YPEL2: variants seen among roughly 807,000 people sequenced by gnomAD.
The protein encoded by YPEL2 is yippee like 2.
In YPEL2, 2 loss-of-function variants were observed where a neutral mutation model predicts 19.1. The ratio of observed to expected loss-of-function variants is 0.10; its 90% CI spans 0.04 to 0.33. The LOEUF is 0.33. Among genes scored for constraint, YPEL2 ranks in the 10% least tolerant of loss-of-function variants. The pLI is 1.00. For synonymous variants in YPEL2, 52 were observed against 50.0 expected (o/e 1.04, Z -0.17); for missense variants, 66 against 140.7 (o/e 0.47, Z 2.68).
At chr17:59,352,472 G>A (rs1454472029) in intron 1 of YPEL2, among the ~76,000 whole-genome samples, 1 of 152,184 alleles carries the variant, frequency 6.6e-6, no homozygotes, top group East Asian at 1.9e-4. Flanking sequence ...AAGTCTAAGG[G>A]CTGGGAGAAA....
At chr17:59,380,577 A>G (rs150584579) in intron 2 of YPEL2, among the ~76,000 whole-genome samples, 18 of 152,298 alleles carry the variant, frequency 1.2e-4, no homozygotes, top group African/African-American at 3.6e-4. Context: ...GCCCTAACTT[A>G]TCTTTTACAC....
intron 2 of YPEL2, among the ~76,000 whole-genome samples, chr17:59,366,818 C>T (rs2047872188): frequency 1.3e-5 from 2 of 152,280 alleles, no homozygotes; most frequent in Non-Finnish European, 2.9e-5. Flanking sequence ...CTTCATGGAG[C>T]TTTTTGAAGC....
At chr17:59,377,888 C>T (rs2047929972) in intron 2 of YPEL2, among the ~76,000 whole-genome samples, 1 of 152,228 alleles carries the variant, frequency 6.6e-6, no homozygotes, top group Non-Finnish European at 1.5e-5. Context: ...TGAAGGGAAG[C>T]ACACGTTTAT....
At chr17:59,342,783 C>G (rs893167467) in intron 1 of YPEL2, among the ~76,000 whole-genome samples, 4 of 152,194 alleles carry the variant, frequency 2.6e-5, no homozygotes, top group Non-Finnish European at 5.9e-5. Flanking sequence ...TGGTTTGAAT[C>G]AAGTCTGACA....
chr17:59,332,191 C>A (rs2047674239), intron 1 of YPEL2, among the ~76,000 whole-genome samples: 2 of 152,042 alleles, frequency 1.3e-5, no homozygotes, highest in African/African-American at 2.4e-5. Context: ...TCCGCGTCGT[C>A]CCCATGGGTT....
At chr17:59,380,538 A>G (rs776886761) in intron 2 of YPEL2, among the ~76,000 whole-genome samples, 4 of 152,166 alleles carry the variant, frequency 2.6e-5, no homozygotes, top group Non-Finnish European at 5.9e-5. Context: ...CCAAAGTGCT[A>G]GGATTACAAG....
chr17:59,340,199 C>T (rs755188058), intron 1 of YPEL2, among the ~76,000 whole-genome samples: 5 of 152,078 alleles, frequency 3.3e-5, no homozygotes, highest in South Asian at 2.1e-4. Flanking sequence ...TCTCCACCCC[C>T]CCAGGTTCAA....
chr17:59,362,373 G>A (rs1698615558), intron 2 of YPEL2, among the ~76,000 whole-genome samples: 1 of 151,784 alleles, frequency 6.6e-6, no homozygotes, highest in South Asian at 2.1e-4. Flanking sequence ...GCACAGTCAC[G>A]CCTGCTCCCT....
At position 59,399,492 on chromosome 17, in the gene YPEL2, G is replaced by C. The variant is rs1268498358; in HGVS notation, c.*2302G>C. ...GGGATGAGGCCTTTGACTGTTGGAT[G>C]GATCAGAGCAGGCTCCAGTCAGACC... On this transcript the variant is annotated 3_prime_UTR_variant, in exon 5 of 5. Coordinates refer to ENST00000312655, the MANE Select transcript of YPEL2 (RefSeq NM_001005404.4). 6.6e-6 allele frequency: 1 copy of C among 151,890 alleles called. No individual in the cohort carries two copies. The highest frequency in any genetic ancestry group is 2.4e-5 in the African/African-American group (1 of 41,356). 9.4% of individuals were successfully genotyped at this position (151,890 alleles called of 1,614,324 possible). A position where few individuals can be genotyped will look rare whatever the true frequency, so the allele number is the denominator to read the frequency against.
chr17:59,349,358 C>CTTTTTTTTTTTTTTTTTTTTTTT (rs58304283), intron 1 of YPEL2, among the ~76,000 whole-genome samples: 1 of 119,212 alleles, frequency 8.4e-6, no homozygotes, highest in Non-Finnish European at 1.7e-5. Context: ...CCTTTTTTTT[C>CTTTTTTTTTTTTTTTTTTTTTTT]TTTTTTTTTT....
intron 1 of YPEL2, among the ~76,000 whole-genome samples, chr17:59,345,596 G>A (rs1337415481): frequency 6.6e-6 from 1 of 152,082 alleles, no homozygotes; most frequent in Non-Finnish European, 1.5e-5. Context: ...AATAATATCA[G>A]GTCCCCAGCT....
Position 59,376,751 on chromosome 17 carries a change from A to G in YPEL2, c.118-11576A>G, listed in dbSNP as rs148014177. Among the ~76,000 whole-genome samples the G allele has an allele frequency of 5.1e-3, 779 of 152,120 alleles. 7 individuals are homozygous for G. The highest frequency in any genetic ancestry group is 0.018 in the African/African-American group (729 of 41,492). On this transcript the variant is annotated intron_variant, in intron 2 of 4. Transcript: ENST00000312655. ...CTAACTCATTTTTATGAGCCACCTC[A>G]GTCTCATTTACAAACTCTAATTTCA...
chr17:59,393,661 C>T (rs142166837), intron 4 of YPEL2, among the ~76,000 whole-genome samples: 78,454 of 143,458 alleles, frequency 0.55, 22,197 homozygotes, highest in African/African-American at 0.68. Flanking sequence ...GACCCTGCGG[C>T]CTTCCGCAGT....
intron 1 of YPEL2, among the ~76,000 whole-genome samples, chr17:59,338,145 AGACT>A (rs1482570372): frequency 6.6e-6 from 1 of 152,178 alleles, no homozygotes; most frequent in Non-Finnish European, 1.5e-5. Context: ...CAGTGTGTCT[AGACT>A]GAGTGGCTTT....
chr17:59,347,062 T>C (rs1262523261), intron 1 of YPEL2, among the ~76,000 whole-genome samples: 2 of 152,204 alleles, frequency 1.3e-5, no homozygotes, highest in African/African-American at 4.8e-5. Flanking sequence ...AAGCTATGCA[T>C]GGGCGTTAGT....
intron 4 of YPEL2, among the ~76,000 whole-genome samples, chr17:59,394,374 G>GAT (rs2048026673): frequency 6.7e-6 from 1 of 150,358 alleles, no homozygotes; most frequent in Admixed American, 6.6e-5. Context: ...CATCCCAGAC[G>GAT]GGGCGGCGGG....
intron 1 of YPEL2, among the ~76,000 whole-genome samples, chr17:59,332,476 C>T (rs903785707): frequency 6.6e-6 from 1 of 152,110 alleles, no homozygotes; most frequent in Non-Finnish European, 1.5e-5. Flanking sequence ...CGACGGAACG[C>T]GGGAGCCTCT....
At chr17:59,338,460 C>G (rs556515291) in intron 1 of YPEL2, among the ~76,000 whole-genome samples, 1 of 152,272 alleles carries the variant, frequency 6.6e-6, no homozygotes, top group Admixed American at 6.5e-5. Context: ...AGTGTAGGCA[C>G]GGAACAGATC....
intron 3 of YPEL2, 143 bp from the exon 4 acceptor site, chr17:59,389,217 G>A: frequency 1.6e-6 from 1 of 619,658 alleles, no homozygotes. Context: ...GCCACCTTTT[G>A]GGGATTGGTT....
Sources: allele counts gnomAD v4.1 joint callset (sites outside exome capture counted in the v4.1 genomes callset), GRCh38; gene constraint gnomAD v4.1.1; transcripts MANE v1.5; gene names NCBI Gene and HGNC (gene_info 2026-07-23, HGNC 2026-07-21).